FBXO31: variants seen among roughly 807,000 people sequenced by gnomAD.
The protein encoded by FBXO31 is F-box protein 31.
Under a neutral mutation model 54.4 loss-of-function variants are expected in FBXO31, and 24 were observed. That is an observed-to-expected ratio of 0.44 (90% CI 0.32 to 0.62). The LOEUF is 0.62. Ranked by LOEUF, FBXO31 falls within the 20% of genes least tolerant of loss-of-function variation. The probability of loss-of-function intolerance (pLI) is 0.05; values close to 1 mark genes in which losing one functional copy is unlikely to be tolerated. For missense variants in FBXO31, 665 were observed against 787.1 expected, an observed-to-expected ratio of 0.84 and a Z score of 1.86; for synonymous variants, 388 against 335.6, an observed-to-expected ratio of 1.16 and a Z score of -1.71.
chr16:87,331,561 T>A, intron 8 of FBXO31, 51 bp from the exon 9 acceptor site: 5 of 1,452,558 alleles, frequency 3.4e-6, no homozygotes, highest in Non-Finnish European at 4.7e-6. Context: ...CTGAGTCAAA[T>A]GCACGCCACG....
upstream of FBXO31, among the ~76,000 whole-genome samples, chr16:87,388,479 C>G (rs1907402330): frequency 6.6e-6 from 1 of 152,208 alleles, no homozygotes; most frequent in African/African-American, 2.4e-5. Context: ...GACGACAAAG[C>G]CGGTGGCCTC....
rs1905212854 is a variant in FBXO31, at chr16:87,342,066, T to C, written c.732+811A>G. Among the ~76,000 whole-genome samples, 12 of 152,268 alleles carry C rather than the reference T, an allele frequency of 7.9e-5. No homozygotes were observed. In the South Asian group the frequency reaches 2.5e-3, roughly 32 times the overall value. The stretch of plus-strand genomic sequence containing the variant: ...GTAGCATGGTAGCATGCCTGGCTAA[T>C]TTTTTGTTTTTCCTTTTGAGGCAGG... On this transcript the variant is annotated intron_variant, in intron 5 of 8. Transcript: ENST00000311635.
intron 1 of FBXO31, among the ~76,000 whole-genome samples, chr16:87,374,020 C>T (rs1906715628): frequency 6.6e-6 from 1 of 151,968 alleles, no homozygotes; most frequent in Non-Finnish European, 1.5e-5. Context: ...CAGGAGGTTC[C>T]CTTGAGGCCA....
At chr16:87,331,596 G>A (rs1904862320) in intron 8 of FBXO31, 86 bp from the exon 9 acceptor site, 1 of 1,138,298 alleles carries the variant, frequency 8.8e-7, no homozygotes, top group South Asian at 1.5e-5. Flanking sequence ...ACCCCGCTCT[G>A]TGCCGCAAGA....
intron 2 of FBXO31, among the ~76,000 whole-genome samples, chr16:87,348,947 G>C (rs1420402970): frequency 1.1e-4 from 17 of 152,228 alleles, no homozygotes; most frequent in Non-Finnish European, 1.5e-5. Context: ...TCGGTAGGAG[G>C]AGCAGCAGAC....
chr16:87,331,333 C>A lies in FBXO31; in HGVS notation c.1575G>T (p.Gln525His), dbSNP rs764638057. 4 of 1,614,026 alleles carry A rather than the reference C, an allele frequency of 2.5e-6. No individual in the cohort carries two copies. The South Asian group carries it at 4.4e-5, about 18-fold the overall frequency. The change falls in exon 9 of 9, where the codon CAG becomes CAT. Residue 525 changes from glutamine to histidine, a missense_variant. Gln to His is a conservative substitution (Grantham distance 24). Transcript: ENST00000311635. ...TFRNADAPSP[Q>H]AFDEMLKNIQ... ...TGTTCTTGAGCATCTCATCGAAGGCCTGTGGGGACGGCGCATCTGCGTTCC... is the reference window on the plus strand; with the variant it reads ...TGTTCTTGAGCATCTCATCGAAGGCATGTGGGGACGGCGCATCTGCGTTCC...
At chr16:87,375,511 A>T (rs768133000) in intron 1 of FBXO31, among the ~76,000 whole-genome samples, 26 of 152,052 alleles carry the variant, frequency 1.7e-4, no homozygotes, top group Non-Finnish European at 3.5e-4. Flanking sequence ...TAAATAAATA[A>T]ATAAATGAAC....
At position 87,345,223 on chromosome 16, in the gene FBXO31, G is replaced by A. The variant is rs544037262; in HGVS notation, c.490-1458C>T. Among the ~76,000 whole-genome samples the A allele has an allele frequency of 2.6e-4, 40 of 152,220 alleles. No individual in the cohort carries two copies. The highest frequency in any genetic ancestry group is 9.2e-4 in the African/African-American group (38 of 41,518). Reference sequence around the variant, plus strand: ...GATTTTCAACACAGCAAGAACGATGGCAACAGTGACACCTCAGGGGCCAGC... The same window carrying A: ...GATTTTCAACACAGCAAGAACGATGACAACAGTGACACCTCAGGGGCCAGC... On this transcript the variant is annotated intron_variant, in intron 3 of 8. Coordinates refer to ENST00000311635, the MANE Select transcript of FBXO31 (RefSeq NM_024735.5). The surrounding 1 kb of genome is among the most constrained non-coding windows in gnomAD (Gnocchi z 4.9).
chr16:87,383,612 C>G lies in FBXO31; in HGVS notation c.133G>C (p.Glu45Gln), dbSNP rs1218326094. 2.7e-6 allele frequency: 4 copies of G among 1,464,684 alleles called. No individual in the cohort carries two copies. In the South Asian group the frequency reaches 4.0e-5, roughly 15 times the overall value. The allele number at this position is 1,464,684 out of a possible 1,614,324, so 90.7% of individuals were successfully genotyped here. Residue 45 changes from glutamate (E) to glutamine (Q), a missense_variant, in exon 1 of 9, where the codon GAG becomes CAG. Physicochemically the swap from Glu to Gln is conservative, Grantham distance 29 (BLOSUM62 2). Coordinates refer to ENST00000311635, the MANE Select transcript of FBXO31 (RefSeq NM_024735.5). This position sits in a 1 kb window ranked among gnomAD's most constrained non-coding sequence, Gnocchi z 4.9. Reference protein sequence around the residue: ...PDTDPEEERIEASAGVGGGLC... With the variant: ...PDTDPEEERIQASAGVGGGLC... ...CCGCCCCCGACCCCGGCGCTAGCCTCGATGCGCTCCTCCTCGGGGTCTGTG... is the reference window on the plus strand; with the variant it reads ...CCGCCCCCGACCCCGGCGCTAGCCTGGATGCGCTCCTCCTCGGGGTCTGTG...
intron 2 of FBXO31, among the ~76,000 whole-genome samples, chr16:87,359,826 GA>G (rs1906056345): frequency 6.6e-6 from 1 of 152,228 alleles, no homozygotes; most frequent in Non-Finnish European, 1.5e-5. Context: ...AGAGAAACAT[GA>G]AACGGGGCTG....
intron 1 of FBXO31, among the ~76,000 whole-genome samples, 196 bp from the exon 2 acceptor site, chr16:87,360,562 T>G (rs555143864): frequency 6.6e-6 from 1 of 152,252 alleles, no homozygotes; most frequent in African/African-American, 2.4e-5. Flanking sequence ...AAGACATTAT[T>G]CTATTTTAGT....
rs574587212 is a variant in FBXO31, at chr16:87,345,601, T to C, written c.489+1573A>G. 6.6e-6 allele frequency among the ~76,000 whole-genome samples: 1 copy of C among 152,046 alleles called. No individual in the cohort carries two copies. The highest frequency in any genetic ancestry group is 2.1e-4 in the South Asian group (1 of 4,802). ...CCTGGCCCTGGCCCCAGAGCTCATA[T>C]CAAACCTGCCCTCCTGCTGAGACCA... On this transcript the variant is annotated intron_variant, in intron 3 of 8. Coordinates refer to ENST00000311635, the MANE Select transcript of FBXO31 (RefSeq NM_024735.5). This position sits in a 1 kb window ranked among gnomAD's most constrained non-coding sequence, Gnocchi z 4.9.
intron 1 of FBXO31, among the ~76,000 whole-genome samples, chr16:87,371,483 C>G (rs998380062): frequency 3.3e-5 from 5 of 152,268 alleles, no homozygotes; most frequent in African/African-American, 9.6e-5. Flanking sequence ...AGGACCTTCC[C>G]GAGATTTCAA....
At chr16:87,334,818 CAAT>C (rs1017891875) in intron 7 of FBXO31, among the ~76,000 whole-genome samples, 2 of 152,200 alleles carry the variant, frequency 1.3e-5, no homozygotes, top group African/African-American at 4.8e-5. Context: ...TGGCATGGGA[CAAT>C]GAGCCCCTGT....
rs545035429 is a variant in FBXO31, at chr16:87,338,454, T to C, written c.733-2190A>G. ...CACAGGTCTGAGATTTCCAAAAGCC[T>C]CAGTCTTGGGGCGGGGGAGGCGGGC... On this transcript the variant is annotated intron_variant, in intron 5 of 8. Transcript: ENST00000311635. The surrounding 1 kb of genome is among the most constrained non-coding windows in gnomAD (Gnocchi z 4.3). Among the ~76,000 whole-genome samples the C allele has an allele frequency of 7.7e-6, 1 of 130,436 alleles. No homozygotes were observed. Among genetic ancestry groups the C allele is most frequent in the East Asian group, 2.0e-4 (1 of 4,938 alleles). 85.6% of individuals were successfully genotyped at this position (130,436 alleles called of 152,430 possible).
intron 2 of FBXO31, among the ~76,000 whole-genome samples, chr16:87,347,821 G>A (rs1212868067): frequency 6.6e-6 from 1 of 152,100 alleles, no homozygotes; most frequent in Admixed American, 6.5e-5. Flanking sequence ...CTAGGAATAA[G>A]ACAGAAGACG....
intron 2 of FBXO31, among the ~76,000 whole-genome samples, chr16:87,359,561 A>G (rs1057305330): frequency 6.6e-6 from 1 of 152,242 alleles, no homozygotes; most frequent in Non-Finnish European, 1.5e-5. Context: ...AAGAAACTCA[A>G]AGAGCAACTG....
intron 2 of FBXO31, 103 bp from the exon 3 acceptor site, chr16:87,347,353 G>A: frequency 4.2e-6 from 4 of 963,168 alleles, no homozygotes; most frequent in Non-Finnish European, 6.7e-6. Flanking sequence ...ACTCACAAAA[G>A]GCTTGCAAGA....
chr16:87,355,800 C>A (rs905640823), intron 2 of FBXO31, among the ~76,000 whole-genome samples: 3 of 152,194 alleles, frequency 2.0e-5, no homozygotes, highest in Admixed American at 2.0e-4. Context: ...AAGCTTCCCT[C>A]CACCTGCCTC....
Sources: gnomAD v4.1 joint callset for allele counts (sites outside exome capture counted in the v4.1 genomes callset) on GRCh38, gnomAD v4.1.1 for gene constraint, Gnocchi (gnomAD v3.1) non-coding constraint, MANE v1.5 for transcripts, NCBI Gene and HGNC (gene_info 2026-07-23, HGNC 2026-07-21) for gene names.